C8orf34: variants seen among roughly 807,000 people sequenced by gnomAD.
C8orf34 encodes uncharacterized protein C8orf34.
A neutral mutation model predicts 68.3 loss-of-function variants in C8orf34; 65 were observed. The ratio of observed to expected loss-of-function variants is 0.95; its 90% CI spans 0.78 to 1.17. C8orf34 has a LOEUF of 1.17. C8orf34 is among the 50% of genes most tolerant of loss of function. The pLI, the probability that C8orf34 is intolerant of heterozygous loss-of-function variation, is 0.00. For synonymous variants in C8orf34, 244 were observed against 241.2 expected (o/e 1.01, Z -0.11); for missense variants, 664 against 655.4 (o/e 1.01, Z -0.14).
chr8:68,788,432 G>A (rs1823903170), intron 12 of C8orf34, among the ~76,000 whole-genome samples: 1 of 152,178 alleles, frequency 6.6e-6, no homozygotes, highest in Non-Finnish European at 1.5e-5. Flanking sequence ...GCACAGGCAT[G>A]AGAGTGAGTG....
chr8:68,466,416 A>G (rs1279409865), intron 3 of C8orf34, among the ~76,000 whole-genome samples: 1 of 151,980 alleles, frequency 6.6e-6, no homozygotes, highest in African/African-American at 2.4e-5. Context: ...TATTATTATG[A>G]TTAATTAATT....
chr8:68,691,781 T>C (rs1820693453), intron 8 of C8orf34, among the ~76,000 whole-genome samples: 1 of 152,096 alleles, frequency 6.6e-6, no homozygotes, highest in Admixed American at 6.6e-5. Flanking sequence ...GTCCTCCTTT[T>C]CTTTTTAATG....
At chr8:68,726,589 T>C (rs1450754355) in intron 10 of C8orf34, among the ~76,000 whole-genome samples, 1 of 152,150 alleles carries the variant, frequency 6.6e-6, no homozygotes. Context: ...AGATGTTGTG[T>C]GTATTAGTTC....
At chr8:68,403,298 T>G (rs1809040048) in intron 1 of C8orf34, among the ~76,000 whole-genome samples, 1 of 152,170 alleles carries the variant, frequency 6.6e-6, no homozygotes, top group South Asian at 2.1e-4. Flanking sequence ...CTCTTCCTCT[T>G]GACCTTCTGT....
Position 68,439,520 on chromosome 8 carries a change from A to G in C8orf34, c.349A>G (p.Thr117Ala), listed in dbSNP as rs778292497. 1.9e-6 allele frequency: 3 copies of G among 1,613,450 alleles called. No individual in the cohort carries two copies. Among genetic ancestry groups the G allele is most frequent in the Non-Finnish European group, 2.5e-6 (3 of 1,179,718 alleles). ...TCAGGAATTAATGACCAAGTTAATAACTGAGACACCTGACCAGCCAATCCC... is the reference window on the plus strand; with the variant it reads ...TCAGGAATTAATGACCAAGTTAATAGCTGAGACACCTGACCAGCCAATCCC... ...LFEELMTKLI[T>A]ETPDQPIPFL... is the part of the protein sequence containing the mutation. The change falls in exon 2 of 14, where the codon ACT becomes GCT. Residue 117 changes from threonine to alanine, a missense_variant. Physicochemically the swap from Thr to Ala is moderately conservative, Grantham distance 58. Coordinates refer to ENST00000518698, the MANE Select transcript of C8orf34 (RefSeq NM_052958.4).
chr8:68,331,581 C>T lies in C8orf34; in HGVS notation c.327+242C>T, dbSNP rs1805595224. 5.5e-6 allele frequency: 3 copies of T among 542,746 alleles called. No homozygotes were observed. The South Asian group carries it at 5.8e-5, about 10-fold the overall frequency. 33.6% of individuals were successfully genotyped at this position (542,746 alleles called of 1,614,324 possible). ...ACAGGTGAGCTCGGGAGGGCCCAGC[C>T]TCAGCCTGGCAGGGGAAGTTTTGGC... On this transcript the variant is annotated intron_variant, in intron 1 of 13. Transcript: ENST00000518698.
chr8:68,796,741 C>T (rs921754228), intron 12 of C8orf34, among the ~76,000 whole-genome samples: 1 of 151,954 alleles, frequency 6.6e-6, no homozygotes, highest in African/African-American at 2.4e-5. Context: ...TTTACATAAT[C>T]CAATCACTGG....
At chr8:68,457,963 C>T (rs1223062748) in intron 3 of C8orf34, among the ~76,000 whole-genome samples, 1 of 151,648 alleles carries the variant, frequency 6.6e-6, no homozygotes, top group Non-Finnish European at 1.5e-5. Flanking sequence ...TGTTCTCATC[C>T]AAAGACGGCA....
chr8:68,702,168 A>G (rs1821036882), intron 8 of C8orf34, among the ~76,000 whole-genome samples: 1 of 151,862 alleles, frequency 6.6e-6, no homozygotes, highest in East Asian at 1.9e-4. Flanking sequence ...AGCTTTACCT[A>G]TTACTCTCTC....
intron 5 of C8orf34, among the ~76,000 whole-genome samples, chr8:68,493,323 G>A (rs1023031825): frequency 1.3e-5 from 2 of 152,108 alleles, no homozygotes; most frequent in Non-Finnish European, 2.9e-5. Flanking sequence ...AAAGGATTGA[G>A]TAGACATTTC....
chr8:68,535,480 G>A (rs1815426546), intron 7 of C8orf34: 2 of 965,048 alleles, frequency 2.1e-6, no homozygotes, highest in Admixed American at 6.2e-5. Flanking sequence ...ATATAAAAAA[G>A]GATTATTCTT....
chr8:68,717,759 T>C (rs1197626318), intron 9 of C8orf34, among the ~76,000 whole-genome samples: 1 of 152,106 alleles, frequency 6.6e-6, no homozygotes, highest in Non-Finnish European at 1.5e-5. Context: ...AAATATTAGG[T>C]AATAAATATT....
intron 12 of C8orf34, among the ~76,000 whole-genome samples, chr8:68,793,969 T>C (rs1824088601): frequency 6.6e-6 from 1 of 152,164 alleles, no homozygotes; most frequent in Non-Finnish European, 1.5e-5. Context: ...AAACCTGGTA[T>C]AATAAATAAA....
intron 7 of C8orf34, among the ~76,000 whole-genome samples, chr8:68,563,356 A>G (rs1008194081): frequency 2.6e-5 from 4 of 152,188 alleles, no homozygotes; most frequent in African/African-American, 9.6e-5. Context: ...AAATATATCT[A>G]GCTCTGTTTA....
chr8:68,514,328 G>A lies in C8orf34; in HGVS notation c.766-7471G>A, dbSNP rs79308093. Among the ~76,000 whole-genome samples the A allele has an allele frequency of 3.8e-3, 571 of 152,184 alleles. 4 individuals are homozygous for A. The highest frequency in any genetic ancestry group is 0.013 in the African/African-American group (536 of 41,510). On this transcript the variant is annotated intron_variant, in intron 5 of 13. Transcript: ENST00000518698. ...TCAGGCTGGTTGAGGTTTCTCTAAG[G>A]ATACCCTCCCACCTGGCTGTCTCAG...
intron 8 of C8orf34, among the ~76,000 whole-genome samples, chr8:68,708,339 A>T (rs1440446301): frequency 1.3e-5 from 2 of 152,222 alleles, no homozygotes; most frequent in African/African-American, 2.4e-5. Context: ...GTGGTATATA[A>T]AAGCAAAGAC....
chr8:68,674,328 G>GGA (rs531970076), intron 8 of C8orf34, among the ~76,000 whole-genome samples: 3 of 151,844 alleles, frequency 2.0e-5, no homozygotes, highest in South Asian at 2.1e-4. Context: ...GAGCAATCTT[G>GGA]GAGAGAGAGA....
chr8:68,459,015 T>A (rs1006195105), intron 3 of C8orf34, among the ~76,000 whole-genome samples: 6 of 152,184 alleles, frequency 3.9e-5, no homozygotes, highest in African/African-American at 1.4e-4. Flanking sequence ...CTAGAAATAG[T>A]TTGTGTCTTT....
At chr8:68,546,336 G>T (rs1263504508) in intron 7 of C8orf34, among the ~76,000 whole-genome samples, 1 of 151,954 alleles carries the variant, frequency 6.6e-6, no homozygotes, top group Non-Finnish European at 1.5e-5. Context: ...CACTCTGAAG[G>T]CCAGAGAGGT....
Sources: gnomAD v4.1 joint callset for allele counts (sites outside exome capture counted in the v4.1 genomes callset) on GRCh38, gnomAD v4.1.1 for gene constraint, MANE v1.5 for transcripts, NCBI Gene and HGNC (gene_info 2026-07-23, HGNC 2026-07-21) for gene names.